KATNBL1: variants seen among roughly 807,000 people sequenced by gnomAD.
KATNBL1 encodes the protein KATNB1-like protein 1.
KATNBL1 carries 28 observed loss-of-function variants against 44.7 expected under a neutral mutation model. That is an observed-to-expected ratio of 0.63 (90% CI 0.46 to 0.86). KATNBL1 has a LOEUF of 0.86. Among genes scored for constraint, KATNBL1 ranks in the 40% least tolerant of loss-of-function variants. KATNBL1 has a pLI of 0.00. For missense variants in KATNBL1, 272 were observed against 350.7 expected (o/e 0.78, Z 1.79); for synonymous variants, 78 against 114.9 (o/e 0.68, Z 2.06).
At chr15:34,145,072 TTCC>T (rs2140895795) in intron 9 of KATNBL1, 1 of 1,025,068 alleles carries the variant, frequency 9.8e-7, no homozygotes, top group South Asian at 3.6e-5. Context: ...GTTTCCTGAG[TTCC>T]TCGTCTTGTT....
At position 34,148,705 on chromosome 15, in the gene KATNBL1, T is replaced by A; in HGVS notation, c.484A>T (p.Asn162Tyr). 1 of 1,613,012 alleles carries A rather than the reference T, an allele frequency of 6.2e-7. No homozygotes were observed. The change falls in exon 5 of 10, where the codon AAT becomes TAT. Residue 162 changes from asparagine to tyrosine, a missense_variant. This residue lies in a region of KATNBL1 where 111 missense variants were observed against 149.3 expected (regional missense o/e 0.74). Coordinates refer to ENST00000256544, the MANE Select transcript of KATNBL1 (RefSeq NM_024713.3). ...ETMAQVLFSR[N>Y]MRLNVALTFW... is the part of the protein sequence containing the mutation. ...GTTAAAGCTACATTCAATCTCATAT[T>A]CCTGCTGAACAAAACTTGGGCCATT... is the stretch of plus-strand genomic sequence containing the variant.
chr15:34,204,803 G>A (rs537638426), intron 1 of KATNBL1, among the ~76,000 whole-genome samples: 2 of 151,982 alleles, frequency 1.3e-5, no homozygotes, highest in South Asian at 4.2e-4. Flanking sequence ...GCCACTGTAA[G>A]GGAAAAGAAT....
At chr15:34,163,478 T>C in intron 2 of KATNBL1, 82 bp downstream of exon 2, 4 of 1,471,258 alleles carry the variant, frequency 2.7e-6, no homozygotes, top group Non-Finnish European at 3.6e-6. Flanking sequence ...ATCCTCCCAT[T>C]GTTTAAACAA....
chr15:34,196,070 A>C (rs1157568189), intron 1 of KATNBL1, among the ~76,000 whole-genome samples: 1 of 152,206 alleles, frequency 6.6e-6, no homozygotes, highest in Non-Finnish European at 1.5e-5. Flanking sequence ...AAATAAAATA[A>C]AAAGATTCAT....
intron 1 of KATNBL1, among the ~76,000 whole-genome samples, chr15:34,166,950 A>G (rs540113090): frequency 6.6e-6 from 1 of 152,244 alleles, no homozygotes; most frequent in African/African-American, 2.4e-5. Context: ...AGTCACCAAC[A>G]TCAAACACCA....
intron 1 of KATNBL1, among the ~76,000 whole-genome samples, chr15:34,201,610 T>A (rs574880096): frequency 5.2e-4 from 79 of 152,348 alleles, no homozygotes; most frequent in African/African-American, 1.9e-3. Context: ...TAGAAGTAGA[T>A]GGTTATGATT....
chr15:34,202,600 T>C (rs1890199364), intron 1 of KATNBL1, among the ~76,000 whole-genome samples: 1 of 152,204 alleles, frequency 6.6e-6, no homozygotes, highest in African/African-American at 2.4e-5. Flanking sequence ...GAACACTTTC[T>C]TCTCCAACAG....
intron 1 of KATNBL1, among the ~76,000 whole-genome samples, chr15:34,194,184 C>T (rs958396337): frequency 1.4e-4 from 22 of 152,206 alleles, no homozygotes; most frequent in African/African-American, 3.9e-4. Flanking sequence ...TCATGATCCA[C>T]CTGCCTTGGG....
rs1430022276 is a variant in KATNBL1, at chr15:34,188,145, A to C, written c.-15+21806T>G. Among the ~76,000 whole-genome samples, 4 of 143,840 alleles carry C rather than the reference A, an allele frequency of 2.8e-5. No individual in the cohort carries two copies. The East Asian group carries it at 8.3e-4, about 30-fold the overall frequency. The allele number at this position is 143,840 out of a possible 152,430, so 94.4% of individuals were successfully genotyped here. On this transcript the variant is annotated intron_variant, in intron 1 of 9. Coordinates refer to ENST00000256544, the MANE Select transcript of KATNBL1 (RefSeq NM_024713.3). The stretch of plus-strand genomic sequence containing the variant: ...CAGAGGAAGACGCCATGTAAAAAAA[A>C]AAAAAAAAAAAAAAAAAAAAGAAAA...
chr15:34,207,882 C>T (rs1294125621), intron 1 of KATNBL1, among the ~76,000 whole-genome samples: 4 of 152,216 alleles, frequency 2.6e-5, no homozygotes, highest in African/African-American at 9.7e-5. Flanking sequence ...GGATTACCAA[C>T]CCTGCCTAGC....
chr15:34,171,337 G>A (rs754926600), intron 1 of KATNBL1, among the ~76,000 whole-genome samples: 21 of 152,112 alleles, frequency 1.4e-4, no homozygotes, highest in Non-Finnish European at 2.9e-4. Context: ...ATGAAAAAAT[G>A]CTCATCATCA....
At chr15:34,148,423 A>C in intron 5 of KATNBL1, 2 of 365,314 alleles carry the variant, frequency 5.5e-6, no homozygotes, top group South Asian at 3.4e-5. Context: ...TGTCTTCCAA[A>C]AAATTTTTTT....
intron 1 of KATNBL1, among the ~76,000 whole-genome samples, chr15:34,164,811 A>C (rs1888916585): frequency 6.6e-6 from 1 of 152,242 alleles, no homozygotes; most frequent in South Asian, 2.1e-4. Context: ...ATCATTTAGG[A>C]AACTTTTTGA....
chr15:34,179,418 C>G (rs975330250), intron 1 of KATNBL1, among the ~76,000 whole-genome samples: 2 of 152,192 alleles, frequency 1.3e-5, no homozygotes, highest in Non-Finnish European at 2.9e-5. Flanking sequence ...AACAGTCCCA[C>G]CTCTCAACAC....
At chr15:34,159,138 A>C (rs1386022988) in intron 2 of KATNBL1, among the ~76,000 whole-genome samples, 1 of 63,842 alleles carries the variant, frequency 1.6e-5, no homozygotes, top group Admixed American at 2.2e-4. Context: ...AGTTCCTTCT[A>C]AAAGTTAATT....
intron 2 of KATNBL1, among the ~76,000 whole-genome samples, chr15:34,161,025 T>C (rs1345349465): frequency 6.6e-6 from 1 of 152,152 alleles, no homozygotes; most frequent in Non-Finnish European, 1.5e-5. Context: ...GATTGGCAGG[T>C]TGGTATAAAC....
chr15:34,188,947 T>C (rs965554187), intron 1 of KATNBL1, among the ~76,000 whole-genome samples: 2 of 152,260 alleles, frequency 1.3e-5, no homozygotes, highest in Admixed American at 6.5e-5. Context: ...GTTACTTTTG[T>C]GGCATACAAA....
chr15:34,154,177 G>A (rs780425616), intron 3 of KATNBL1, among the ~76,000 whole-genome samples: 2 of 152,124 alleles, frequency 1.3e-5, no homozygotes, highest in Non-Finnish European at 2.9e-5. Context: ...TCAAACAAGA[G>A]AATGAAAATG....
chr15:34,179,797 CACTTAACATG>C (rs1889465838), intron 1 of KATNBL1, among the ~76,000 whole-genome samples: 1 of 152,200 alleles, frequency 6.6e-6, no homozygotes, highest in African/African-American at 2.4e-5. Flanking sequence ...CCCCCACCAT[CACTTAACATG>C]TTTTTCTATT....
Sources: gnomAD v4.1 joint callset for allele counts (sites outside exome capture counted in the v4.1 genomes callset) on GRCh38, gnomAD v4.1.1 for gene constraint, gnomAD v4.1.1 regional missense constraint, MANE v1.5 for transcripts, NCBI Gene and HGNC (gene_info 2026-07-23, HGNC 2026-07-21) for gene names.